The following CECR2 variants were observed in gnomAD, a reference collection of about 807,000 sequenced individuals.
CECR2 encodes the protein chromatin remodeling regulator CECR2.
In CECR2, 30 loss-of-function variants were observed where a neutral mutation model predicts 154.5. The observed-to-expected ratio is 0.19, with a 90% CI of 0.15 to 0.26. CECR2 has a LOEUF of 0.26. Among genes scored for constraint, CECR2 ranks in the 10% least tolerant of loss-of-function variants. The pLI, the probability that CECR2 is intolerant of heterozygous loss-of-function variation, is 1.00. For missense variants in CECR2, 1,743 were observed against 1,829.3 expected, an observed-to-expected ratio of 0.95 and a Z score of 0.86; for synonymous variants, 725 against 683.7, an observed-to-expected ratio of 1.06 and a Z score of -0.94.
upstream of CECR2, among the ~76,000 whole-genome samples, chr22:17,368,099 G>A (rs777921379): frequency 1.3e-5 from 2 of 152,132 alleles, no homozygotes; most frequent in Admixed American, 1.3e-4. Context: ...GAAGATGCAC[G>A]TGAATATACT....
In CECR2 at chr22:17,524,159, A is replaced by G; in HGVS notation, c.996A>G (p.Lys332=). ...CCAGAATAGAAAAACAAAAGCGCAAAGAGGAGGAAGAAGAGCGTCAGATTC... is the reference window on the plus strand; with the variant it reads ...CCAGAATAGAAAAACAAAAGCGCAAGGAGGAGGAAGAAGAGCGTCAGATTC... The part of the protein sequence containing the change: ...VLTRIEKQKR[K]EEEEERQILL... Residue 332 remains lysine, a synonymous_variant, in exon 9 of 19, where the codon AAA becomes AAG. Coordinates refer to ENST00000262608, the MANE Select transcript of CECR2 (RefSeq NM_001290047.2). 1.9e-6 allele frequency: 3 copies of G among 1,603,694 alleles called. No homozygotes were observed. Among genetic ancestry groups the G allele is most frequent in the Non-Finnish European group, 1.7e-6 (2 of 1,175,156 alleles).
intron 16 of CECR2, among the ~76,000 whole-genome samples, chr22:17,545,374 CAAAAAAAAA>C (rs695493): frequency 2.2e-5 from 1 of 46,440 alleles, no homozygotes; most frequent in Non-Finnish European, 3.8e-5. Context: ...GACTCCGTCT[CAAAAAAAAA>C]AAAAAAAAAA....
intron 1 of CECR2, among the ~76,000 whole-genome samples, chr22:17,441,346 A>T (rs1036551871): frequency 6.6e-6 from 1 of 152,174 alleles, no homozygotes; most frequent in Non-Finnish European, 1.5e-5. Context: ...CTGCTGCCAG[A>T]TATAGGAGGA....
chr22:17,446,098 GAT>G (rs778866149), intron 1 of CECR2, among the ~76,000 whole-genome samples: 2 of 152,124 alleles, frequency 1.3e-5, no homozygotes, highest in Admixed American at 6.5e-5. Flanking sequence ...CTTGTTTACA[GAT>G]ACCTCACTCC....
intron 2 of CECR2, among the ~76,000 whole-genome samples, chr22:17,496,116 C>CA (rs150330404): frequency 0.13 from 19,953 of 152,030 alleles, 1,543 homozygotes; most frequent in Non-Finnish European, 0.18. Context: ...AAACTATCTT[C>CA]AAATTTTAAT....
chr22:17,497,622 G>A, intron 3 of CECR2, 36 bp downstream of exon 3: 1 of 1,598,330 alleles, frequency 6.3e-7, no homozygotes, highest in East Asian at 2.2e-5. Flanking sequence ...CTGTAGCTGT[G>A]AAAAGCCAGC....
intron 1 of CECR2, among the ~76,000 whole-genome samples, chr22:17,447,033 C>CTTTTT (rs1555910503): frequency 1.8e-5 from 2 of 114,110 alleles, no homozygotes; most frequent in Non-Finnish European, 1.7e-5. Context: ...CGTTTACAAT[C>CTTTTT]TTTTTTTTTT....
intron 8 of CECR2, among the ~76,000 whole-genome samples, chr22:17,514,542 T>G (rs959767975): frequency 6.6e-6 from 1 of 152,180 alleles, no homozygotes; most frequent in African/African-American, 2.4e-5. Context: ...AGAAAAAAAT[T>G]GCAGCCTAAG....
At chr22:17,493,006 C>G (rs1266816894) in intron 2 of CECR2, among the ~76,000 whole-genome samples, 1 of 152,106 alleles carries the variant, frequency 6.6e-6, no homozygotes, top group Non-Finnish European at 1.5e-5. Context: ...GAGTCTGGCT[C>G]TGTCGCCCAG....
chr22:17,499,824 AG>A (rs1250412708), intron 4 of CECR2, among the ~76,000 whole-genome samples: 1 of 152,212 alleles, frequency 6.6e-6, no homozygotes, highest in Non-Finnish European at 1.5e-5. Context: ...TTAATATAGC[AG>A]GTTTCTTCTC....
intron 9 of CECR2, among the ~76,000 whole-genome samples, chr22:17,529,679 G>A (rs902330845): frequency 6.7e-6 from 1 of 148,166 alleles, no homozygotes; most frequent in Admixed American, 6.8e-5. Context: ...CAGCCTGGGC[G>A]ACAGAGCAAG....
At chr22:17,395,304 A>G (rs941475848) in intron 1 of CECR2, among the ~76,000 whole-genome samples, 4 of 151,928 alleles carry the variant, frequency 2.6e-5, no homozygotes, top group Non-Finnish European at 1.5e-5. Flanking sequence ...CTAGAATTAC[A>G]GGTGTGAGCC....
At chr22:17,552,230 T>G in intron 18 of CECR2, 88 bp downstream of exon 18, 1 of 1,220,170 alleles carries the variant, frequency 8.2e-7, no homozygotes, top group Non-Finnish European at 1.2e-6. Flanking sequence ...TGAAAAAATG[T>G]TTTAAGGTAT....
At chr22:17,490,384 C>T (rs118044173) in intron 2 of CECR2, among the ~76,000 whole-genome samples, 1 of 152,190 alleles carries the variant, frequency 6.6e-6, no homozygotes, top group East Asian at 1.9e-4. Context: ...TCAGCTTTCT[C>T]ATGCTTACTG....
intron 14 of CECR2, 37 bp downstream of exon 14, chr22:17,540,837 A>G (rs763896879): frequency 1.3e-6 from 2 of 1,501,414 alleles, no homozygotes; most frequent in Admixed American, 4.7e-5. Flanking sequence ...GGTTTCTCCT[A>G]GTTTGTGAGT....
At chr22:17,490,147 T>TTG (rs66788556) in intron 2 of CECR2, among the ~76,000 whole-genome samples, 3,409 of 149,748 alleles carry the variant, frequency 0.023, 78 homozygotes, top group African/African-American at 0.062. Flanking sequence ...TGTTTTTTTT[T>TTG]TGTGTGTGTG....
At chr22:17,428,401 G>A (rs774009659) in intron 1 of CECR2, 30 of 151,930 alleles carry the variant, frequency 2.0e-4, no homozygotes, top group African/African-American at 6.0e-4. Flanking sequence ...TCTTTTTAGC[G>A]TTAGTACCTT....
Position 17,500,704 on chromosome 22 carries a change from C to T in CECR2, c.619C>T (p.Arg207Trp), listed in dbSNP as rs776351510. 62 of 1,555,790 alleles carry T rather than the reference C, an allele frequency of 4.0e-5. No individual in the cohort carries two copies. Among genetic ancestry groups the T allele is most frequent in the Non-Finnish European group, 5.0e-5 (58 of 1,149,816 alleles). The change falls in exon 5 of 19, where the codon CGG (arginine) becomes TGG (tryptophan). Residue 207 changes from arginine to tryptophan, a missense_variant. By Grantham distance (101) the Arg-to-Trp change is moderately radical (BLOSUM62 -3). Coordinates refer to ENST00000262608, the MANE Select transcript of CECR2 (RefSeq NM_001290047.2). Reference protein sequence around the residue: ...TGKRRGRPPKRKKLQEEILLS... With the variant: ...TGKRRGRPPKWKKLQEEILLS... Reference sequence around the variant, plus strand: ...AAAAAGAAGAGGAAGACCCCCAAAACGGAAGAAACTGCAGGAGGAGATTCT... The same window carrying T: ...AAAAAGAAGAGGAAGACCCCCAAAATGGAAGAAACTGCAGGAGGAGATTCT...
chr22:17,404,839 A>G (rs1467782032), intron 1 of CECR2, among the ~76,000 whole-genome samples: 1 of 152,158 alleles, frequency 6.6e-6, no homozygotes, highest in African/African-American at 2.4e-5. Context: ...TTATATTTCC[A>G]TATGAATTTT....
Sources: allele counts gnomAD v4.1 joint callset (sites outside exome capture counted in the v4.1 genomes callset), GRCh38; gene constraint gnomAD v4.1.1; transcripts MANE v1.5; gene names NCBI Gene and HGNC (gene_info 2026-07-23, HGNC 2026-07-21).